The following RECQL5 variants were observed in gnomAD, a reference collection of about 807,000 sequenced individuals.
RECQL5 encodes ATP-dependent DNA helicase Q5.
RECQL5 carries 88 observed loss-of-function variants against 103.4 expected under a neutral mutation model. The ratio of observed to expected loss-of-function variants is 0.85; its 90% CI spans 0.72 to 1.02. The LOEUF (loss-of-function observed/expected upper bound fraction) is 1.02, where lower values mean the gene tolerates loss of function less well. RECQL5 is among the 50% of genes least tolerant of loss of function. RECQL5 has a pLI of 0.00. For synonymous variants in RECQL5, 552 were observed against 507.9 expected (o/e 1.09, Z -1.17); for missense variants, 1,232 against 1,284.3 (o/e 0.96, Z 0.62).
At chr17:75,657,801 A>G (rs1032265245) in intron 7 of RECQL5, among the ~76,000 whole-genome samples, 87 of 151,784 alleles carry the variant, frequency 5.7e-4, no homozygotes, top group Non-Finnish European at 8.8e-4. Flanking sequence ...TGTAACCCCA[A>G]CACTTTGGGA....
chr17:75,650,089 T>C (rs2059536153), intron 8 of RECQL5: 2 of 985,664 alleles, frequency 2.0e-6, no homozygotes, highest in African/African-American at 3.5e-5. Context: ...GGCCCTTTCA[T>C]TCCTCACCAG....
In RECQL5 at chr17:75,629,148, T is replaced by C. The variant is rs1216501702; in HGVS notation, c.2275A>G (p.Lys759Glu). The C allele has an allele frequency of 9.9e-6, 16 of 1,613,710 alleles. No homozygotes were observed. The highest frequency in any genetic ancestry group is 1.3e-5 in the Non-Finnish European group (15 of 1,180,004). The change falls in exon 16 of 20, where the codon AAG (lysine) becomes GAG (glutamate). Residue 759 changes from lysine (K) to glutamate (E), a missense_variant. Physicochemically the swap from Lys to Glu is moderately conservative, Grantham distance 56 (BLOSUM62 1). Transcript: ENST00000317905. ...AAGCGGGCGATGCTCTGAGAATCCT[T>C]GTGGGCCGCTGTGGCTAGGAGCTGC... ...KQQLLATAAHKDSQSIARFFC... is the reference protein window; with the variant it reads ...KQQLLATAAHEDSQSIARFFC...
chr17:75,653,944 A>T (rs1429987952), intron 7 of RECQL5, among the ~76,000 whole-genome samples: 1 of 151,954 alleles, frequency 6.6e-6, no homozygotes, highest in Non-Finnish European at 1.5e-5. Context: ...AAAAACAAAA[A>T]CCAGACACTG....
At position 75,631,630 on chromosome 17, in the gene RECQL5, G is replaced by T. The variant is rs749023712; in HGVS notation, c.1268C>A (p.Ala423Glu). The T allele has an allele frequency of 3.1e-6, 5 of 1,611,886 alleles. No homozygotes were observed. Among genetic ancestry groups the T allele is most frequent in the Non-Finnish European group, 4.2e-6 (5 of 1,179,820 alleles). The change falls in exon 9 of 20, where the codon GCG (alanine) becomes GAG (glutamate). Residue 423 changes from alanine (A) to glutamate (E), a missense_variant. Coordinates refer to ENST00000317905, the MANE Select transcript of RECQL5 (RefSeq NM_004259.7). ...GCAGCCTTTGGCGCAGGCAGGCAGC[G>T]CATCCCCGAAGTACTTGGCAATGGC... is the stretch of plus-strand genomic sequence containing the variant. Reference protein sequence around the residue: ...HAAIAKYFGDALPACAKGCDH... With the variant: ...HAAIAKYFGDELPACAKGCDH...
In RECQL5 at chr17:75,630,184, C is replaced by G. The variant is rs1195273903; in HGVS notation, c.1812G>C (p.Lys604Asn). Reference sequence around the variant, plus strand: ...CTGGGTCCGCCTGCACCAGGCCCACCTTCTTCAGCACGCTGGCCTTGTAGA... The same window carrying G: ...CTGGGTCCGCCTGCACCAGGCCCACGTTCTTCAGCACGCTGGCCTTGTAGA... ...ANLYKASVLK[K>N]VADIHRASKD... Residue 604 changes from lysine to asparagine, a missense_variant and splice_region_variant, in exon 14 of 20, where the codon AAG becomes AAC. Coordinates refer to ENST00000317905, the MANE Select transcript of RECQL5 (RefSeq NM_004259.7). 5 of 1,547,218 alleles carry G rather than the reference C, an allele frequency of 3.2e-6. No homozygotes were observed. The highest frequency in any genetic ancestry group is 3.5e-6 in the Non-Finnish European group (4 of 1,144,820).
intron 7 of RECQL5, among the ~76,000 whole-genome samples, chr17:75,653,917 CAAAAA>C (rs138450030): frequency 1.4e-5 from 2 of 145,532 alleles, no homozygotes; most frequent in Admixed American, 6.9e-5. Context: ...CAAAACAAAA[CAAAAA>C]AAAAACCCCA....
rs371987831 is a variant in RECQL5 at position 75,631,604 on chromosome 17, C to T, written c.1294G>A (p.Asp432Asn). Reference protein sequence around the residue: ...DALPACAKGCDHCQNPTAVRR... With the variant: ...DALPACAKGCNHCQNPTAVRR... ...ACGGCCGTGGGGTTCTGGCAGTGGT[C>T]GCAGCCTTTGGCGCAGGCAGGCAGC... Residue 432 changes from aspartate (D) to asparagine (N), a missense_variant, in exon 9 of 20, where the codon GAC becomes AAC. Asp to Asn is a conservative substitution (Grantham distance 23). Coordinates refer to ENST00000317905, the MANE Select transcript of RECQL5 (RefSeq NM_004259.7). 2.0e-5 allele frequency: 32 copies of T among 1,612,686 alleles called. No individual in the cohort carries two copies. Among genetic ancestry groups the T allele is most frequent in the Non-Finnish European group, 2.6e-5 (31 of 1,179,880 alleles).
chr17:75,661,777 C>T, intron 4 of RECQL5, 69 bp from the exon 5 acceptor site: 2 of 1,169,646 alleles, frequency 1.7e-6, no homozygotes. Flanking sequence ...TGTAATGCAC[C>T]CTGCTCTAAA....
chr17:75,650,463 TC>T, intron 8 of RECQL5: 1 of 1,356,216 alleles, frequency 7.4e-7, no homozygotes, highest in Non-Finnish European at 9.5e-7. Context: ...TTTAGTGGCC[TC>T]AGTCTACCAT....
intron 8 of RECQL5, chr17:75,650,408 A>G: frequency 1.6e-6 from 2 of 1,272,090 alleles, no homozygotes; most frequent in Non-Finnish European, 2.0e-6. Context: ...AAGATGGCCC[A>G]GGTGTATGCA....
In RECQL5 at chr17:75,665,169, T is replaced by C. The variant is rs781282018; in HGVS notation, c.134A>G (p.Asn45Ser). ...GGGCATGCACACAAAGACGTCCTTG[T>C]TACCTGAAAAAATACAAGACAACAA... Reference protein sequence around the residue: ...ESATMAVVKGNKDVFVCMPTG... With the variant: ...ESATMAVVKGSKDVFVCMPTG... Residue 45 changes from asparagine to serine, a missense_variant, in exon 3 of 20, where the codon AAC (asparagine) becomes AGC (serine). By Grantham distance (46) the Asn-to-Ser change is conservative. Coordinates refer to ENST00000317905, the MANE Select transcript of RECQL5 (RefSeq NM_004259.7). 1.9e-6 allele frequency: 3 copies of C among 1,607,768 alleles called. No homozygotes were observed. Among genetic ancestry groups the C allele is most frequent in the Admixed American group, 1.7e-5 (1 of 58,204 alleles).
In RECQL5 at chr17:75,630,841, TGGGGGG is replaced by T; in HGVS notation, c.1586-10_1586-5del. On this transcript the variant is annotated splice_region_variant and splice_polypyrimidine_tract_variant and intron_variant, in intron 11 of 19. Transcript: ENST00000317905. ...TCTTTCAGGGGACAGTTCTCATCTG[TGGGGGG>T]GGGGGGTGGTCCTTGGTCCTTTCGC... The T allele has an allele frequency of 5.3e-6, 6 of 1,129,500 alleles. No individual in the cohort carries two copies. The highest frequency in any genetic ancestry group is 2.9e-5 in the African/African-American group (1 of 34,512). The allele number at this position is 1,129,500 out of a possible 1,614,324, so 70.0% of individuals were successfully genotyped here.
chr17:75,657,747 TA>T (rs35049816), intron 7 of RECQL5, among the ~76,000 whole-genome samples: 4,193 of 112,174 alleles, frequency 0.037, 156 homozygotes, highest in African/African-American at 0.11. Flanking sequence ...CCTTGTCTCT[TA>T]AAAAAAAAAA....
In RECQL5 at chr17:75,630,964, C is replaced by T. The variant is rs1209246230; in HGVS notation, c.1585+10G>A. 2 of 1,613,396 alleles carry T rather than the reference C, an allele frequency of 1.2e-6. No homozygotes were observed. Among genetic ancestry groups the T allele is most frequent in the Non-Finnish European group, 1.7e-6 (2 of 1,179,772 alleles). On this transcript the variant is annotated intron_variant, in intron 11 of 19. Transcript: ENST00000317905. ...AGCCCACAAGCCTCCAGGAACATTT[C>T]TGTACTGACCTGGGGGTACAAATTC...
In RECQL5 at chr17:75,627,458, T is replaced by C. The variant is rs776757187; in HGVS notation, c.2940A>G (p.Glu980=). ...GGCCACACAGGCCATGCCAGTCAGC[T>C]TCGCTCTCGCACCGGGCCCGGCCAT... is the stretch of plus-strand genomic sequence containing the variant. ...FFHGRARCES[E]ADWHGLCGPQ... Residue 980 remains glutamate, a synonymous_variant, in exon 20 of 20, where the codon GAA becomes GAG. Coordinates refer to ENST00000317905, the MANE Select transcript of RECQL5 (RefSeq NM_004259.7). The C allele has an allele frequency of 1.2e-6, 2 of 1,613,686 alleles. No homozygotes were observed. Among genetic ancestry groups the C allele is most frequent in the East Asian group, 4.5e-5 (2 of 44,862 alleles).
At chr17:75,661,737 A>G in intron 4 of RECQL5, 29 bp from the exon 5 acceptor site, 1 of 1,542,856 alleles carries the variant, frequency 6.5e-7, no homozygotes, top group Non-Finnish European at 9.0e-7. Context: ...GAAGAAAATA[A>G]GCATAGCAAG....
chr17:75,647,955 A>G (rs1450637477), intron 8 of RECQL5: 3 of 183,116 alleles, frequency 1.6e-5, no homozygotes, highest in Non-Finnish European at 3.8e-5. Flanking sequence ...AATGAAATAA[A>G]AATTCCTTTT....
Position 75,659,708 on chromosome 17 carries a change from G to A in RECQL5, c.986+1247C>T, listed in dbSNP as rs924517720. Among the ~76,000 whole-genome samples the A allele has an allele frequency of 2.6e-5, 4 of 152,182 alleles. No individual in the cohort carries two copies. In the South Asian group the frequency reaches 6.2e-4, roughly 24 times the overall value. Reference sequence around the variant, plus strand: ...AAGTCGGTGTTCTTTCAAATGTAACGCACTATAAAATTTCGTCCCTAACTC... The same window carrying A: ...AAGTCGGTGTTCTTTCAAATGTAACACACTATAAAATTTCGTCCCTAACTC... On this transcript the variant is annotated intron_variant, in intron 6 of 19. Coordinates refer to ENST00000317905, the MANE Select transcript of RECQL5 (RefSeq NM_004259.7).
chr17:75,633,859 G>A, intron 8 of RECQL5: 1 of 996,190 alleles, frequency 1.0e-6, no homozygotes, highest in Non-Finnish European at 1.2e-6. Context: ...CGGCGTGGGA[G>A]TCGGGGAGAG....
Sources: gnomAD v4.1 joint callset for allele counts (sites outside exome capture counted in the v4.1 genomes callset) on GRCh38, gnomAD v4.1.1 for gene constraint, MANE v1.5 for transcripts, NCBI Gene and HGNC (gene_info 2026-07-23, HGNC 2026-07-21) for gene names.